Variants in PI15 observed in about 807,000 individuals in gnomAD.
PI15 encodes peptidase inhibitor 15, also known as 25 kDa trypsin inhibitor.
A neutral mutation model predicts 31.0 loss-of-function variants in PI15; 18 were observed. The observed-to-expected ratio is 0.58, with a 90% CI of 0.40 to 0.86. The LOEUF is 0.86. Ranked by LOEUF, PI15 falls within the 40% of genes least tolerant of loss-of-function variation. The pLI is 0.00. For synonymous variants in PI15, 118 were observed against 119.1 expected (o/e 0.99, Z 0.06); for missense variants, 282 against 328.1 (o/e 0.86, Z 1.09).
At chr8:74,847,060 T>G (rs943673835) in intron 5 of PI15, among the ~76,000 whole-genome samples, 2 of 152,178 alleles carry the variant, frequency 1.3e-5, no homozygotes, top group African/African-American at 4.8e-5. Context: ...TAAAAATATG[T>G]GCTCCAAAAA....
chr8:74,832,161 G>T (rs1810791889), intron 2 of PI15, among the ~76,000 whole-genome samples: 1 of 152,126 alleles, frequency 6.6e-6, no homozygotes, highest in African/African-American at 2.4e-5. Context: ...AGGAGTAAGT[G>T]GTTTACATGA....
In PI15 at chr8:74,840,729, T is replaced by C. The variant is rs1422445991; in HGVS notation, c.274-3252T>C. On this transcript the variant is annotated intron_variant, in intron 2 of 5. Coordinates refer to ENST00000260113, the MANE Select transcript of PI15 (RefSeq NM_015886.5). ...AGGGTAGGTCAGTCCTGTCTCCATG[T>C]GGGAGTCTGACAGTACCTGTCAGAC... Among the ~76,000 whole-genome samples, 3 of 152,156 alleles carry C rather than the reference T, an allele frequency of 2.0e-5. No individual in the cohort carries two copies. In the South Asian group the frequency reaches 6.2e-4, roughly 32 times the overall value.
intron 2 of PI15, among the ~76,000 whole-genome samples, chr8:74,831,011 G>C (rs926713539): frequency 3.3e-5 from 5 of 152,128 alleles, no homozygotes; most frequent in African/African-American, 7.2e-5. Flanking sequence ...ACATTTTGTA[G>C]GAATTTTCTT....
intron 2 of PI15, among the ~76,000 whole-genome samples, chr8:74,828,414 G>A (rs77251563): frequency 0.013 from 1,927 of 152,170 alleles, 33 homozygotes; most frequent in African/African-American, 0.044. Context: ...TGGTCACTGG[G>A]AAGAGTTCAT....
chr8:74,838,428 C>T (rs1373465539), intron 2 of PI15, among the ~76,000 whole-genome samples: 2 of 152,016 alleles, frequency 1.3e-5, no homozygotes, highest in East Asian at 3.9e-4. Flanking sequence ...GTAATGTCAA[C>T]TTTCATATTT....
intron 2 of PI15, among the ~76,000 whole-genome samples, chr8:74,841,248 A>G (rs1431106630): frequency 2.6e-5 from 4 of 152,232 alleles, no homozygotes; most frequent in African/African-American, 7.2e-5. Flanking sequence ...TGCTTTCTCC[A>G]TGATATGGAA....
At chr8:74,846,755 TAA>T (rs1262048119) in intron 5 of PI15, among the ~76,000 whole-genome samples, 21 of 152,032 alleles carry the variant, frequency 1.4e-4, no homozygotes, top group African/African-American at 4.6e-4. Flanking sequence ...GAAATTATGT[TAA>T]GTCTAACTGT....
intron 2 of PI15, among the ~76,000 whole-genome samples, chr8:74,843,394 C>T (rs973998537): frequency 8.5e-5 from 13 of 152,144 alleles, no homozygotes; most frequent in African/African-American, 3.1e-4. Flanking sequence ...CCTGAATTTG[C>T]TTTCTTTTAG....
chr8:74,848,878 C>G (rs2128766569), intron 5 of PI15, among the ~76,000 whole-genome samples: 1 of 151,006 alleles, frequency 6.6e-6, no homozygotes, highest in South Asian at 2.1e-4. Flanking sequence ...GGACTAGAGG[C>G]ACCCGCCACT....
At position 74,852,224 on chromosome 8, in the gene PI15, T is replaced by C. The variant is rs1811117768; in HGVS notation, c.*2971T>C. ...CATATTCCACATCATCGATCCTCTC[T>C]GTGGTGTTAATTTTTTTATATGACC... is the stretch of plus-strand genomic sequence containing the variant. On this transcript the variant is annotated 3_prime_UTR_variant, in exon 6 of 6. Transcript: ENST00000260113. 6.6e-6 allele frequency: 1 copy of C among 152,158 alleles called. No homozygotes were observed. Among genetic ancestry groups the C allele is most frequent in the African/African-American group, 2.4e-5 (1 of 41,462 alleles). The allele number at this position is 152,158 out of a possible 1,614,324, so 9.4% of individuals were successfully genotyped here.
At chr8:74,825,876 T>C (rs748460075) in intron 2 of PI15, among the ~76,000 whole-genome samples, 1 of 152,112 alleles carries the variant, frequency 6.6e-6, no homozygotes, top group Non-Finnish European at 1.5e-5. Flanking sequence ...AAAAGTCACA[T>C]GAACTTTTTC....
intron 2 of PI15, among the ~76,000 whole-genome samples, chr8:74,831,158 T>C (rs1372580335): frequency 6.6e-6 from 1 of 152,174 alleles, no homozygotes; most frequent in Non-Finnish European, 1.5e-5. Context: ...CCATTTTCAA[T>C]ATAGGTTCTG....
chr8:74,840,118 A>C (rs1810925544), intron 2 of PI15, among the ~76,000 whole-genome samples: 1 of 152,140 alleles, frequency 6.6e-6, no homozygotes, highest in South Asian at 2.1e-4. Context: ...TTGATACATA[A>C]TAGAAATATT....
At chr8:74,844,369 G>A (rs1279486298) in intron 3 of PI15, among the ~76,000 whole-genome samples, 2 of 151,744 alleles carry the variant, frequency 1.3e-5, no homozygotes, top group African/African-American at 4.8e-5. Flanking sequence ...AAAGGGTCAA[G>A]CCTGTGCTGT....
At chr8:74,835,753 C>A (rs1472390675) in intron 2 of PI15, among the ~76,000 whole-genome samples, 1 of 152,064 alleles carries the variant, frequency 6.6e-6, no homozygotes, top group African/African-American at 2.4e-5. Flanking sequence ...AGCACTTAAC[C>A]AAAATATGGT....
At chr8:74,825,724 G>A (rs543132330) in intron 2 of PI15, among the ~76,000 whole-genome samples, 1 of 151,970 alleles carries the variant, frequency 6.6e-6, no homozygotes, top group Non-Finnish European at 1.5e-5. Flanking sequence ...GGTCCAGAGA[G>A]ACAGAGACAG....
At position 74,825,244 on chromosome 8, in the gene PI15, C is replaced by T; in HGVS notation, c.-6C>T. On this transcript the variant is annotated 5_prime_UTR_variant, in exon 2 of 6. Coordinates refer to ENST00000260113, the MANE Select transcript of PI15 (RefSeq NM_015886.5). ...CTCGGTGGCCTCTTCTTCTCCACCCCTCAAAATGATAGCAATCTCTGCCGT... is the reference window on the plus strand; with the variant it reads ...CTCGGTGGCCTCTTCTTCTCCACCCTTCAAAATGATAGCAATCTCTGCCGT... The T allele has an allele frequency of 1.9e-6, 3 of 1,612,284 alleles. No homozygotes were observed. The highest frequency in any genetic ancestry group is 2.5e-6 in the Non-Finnish European group (3 of 1,178,794).
intron 2 of PI15, among the ~76,000 whole-genome samples, chr8:74,831,025 C>A (rs138373033): frequency 6.6e-6 from 1 of 152,142 alleles, no homozygotes; most frequent in African/African-American, 2.4e-5. Flanking sequence ...TTTTCTTCCA[C>A]GGTGCACGTT....
Position 74,845,404 on chromosome 8 carries a change from G to A in PI15, c.548G>A (p.Arg183Gln), listed in dbSNP as rs758920624. The A allele has an allele frequency of 8.7e-6, 14 of 1,613,852 alleles. No homozygotes were observed. The highest frequency in any genetic ancestry group is 1.1e-5 in the South Asian group (1 of 91,068). Residue 183 changes from arginine to glutamine, a missense_variant, in exon 5 of 6, where the codon CGG (arginine) becomes CAG (glutamine). Arg to Gln is a conservative substitution (Grantham distance 43). Coordinates refer to ENST00000260113, the MANE Select transcript of PI15 (RefSeq NM_015886.5). ...YTQMVWATSN[R>Q]IGCAIHTCQN... ...CAGATGGTTTGGGCCACTTCCAATC[G>A]GATAGGATGCGCAATTCATACTTGC...
Sources: allele counts gnomAD v4.1 joint callset (sites outside exome capture counted in the v4.1 genomes callset), GRCh38; gene constraint gnomAD v4.1.1; transcripts MANE v1.5; gene names NCBI Gene and HGNC (gene_info 2026-07-23, HGNC 2026-07-21).